The following ADGB variants were observed in gnomAD, a reference collection of about 807,000 sequenced individuals.
The protein encoded by ADGB is calpain-7-like protein.
A neutral mutation model predicts 210.5 loss-of-function variants in ADGB; 172 were observed. The observed-to-expected ratio is 0.82, with a 90% CI of 0.72 to 0.93. ADGB has a LOEUF of 0.93. ADGB is among the 40% of genes least tolerant of loss of function. The pLI is 0.00. For missense variants in ADGB, 2,025 were observed against 1,964.8 expected, an observed-to-expected ratio of 1.03 and a Z score of -0.58; for synonymous variants, 658 against 662.7, an observed-to-expected ratio of 0.99 and a Z score of 0.11.
At chr6:146,640,129 C>T (rs1775485363) in intron 2 of ADGB, among the ~76,000 whole-genome samples, 1 of 152,022 alleles carries the variant, frequency 6.6e-6, no homozygotes, top group Non-Finnish European at 1.5e-5. Flanking sequence ...CTACTACAAA[C>T]TCCTCTATGC....
intron 17 of ADGB, among the ~76,000 whole-genome samples, chr6:146,722,864 A>G (rs1776841840): frequency 6.6e-6 from 1 of 152,154 alleles, no homozygotes; most frequent in South Asian, 2.1e-4. Context: ...GCTCCTCTAC[A>G]AGGCCAAACC....
chr6:146,757,659 T>C (rs1777427236), intron 27 of ADGB, among the ~76,000 whole-genome samples: 1 of 151,896 alleles, frequency 6.6e-6, no homozygotes, highest in South Asian at 2.1e-4. Flanking sequence ...CCTTCTGTTC[T>C]GATCCTTAGA....
At position 146,801,198 on chromosome 6, in the gene ADGB, C is replaced by T. The variant is rs538312230; in HGVS notation, c.4553C>T (p.Thr1518Ile). Residue 1518 changes from threonine (T) to isoleucine (I), a missense_variant, in exon 34 of 36, where the codon ACA (threonine) becomes ATA (isoleucine). Physicochemically the swap from Thr to Ile is moderately conservative, Grantham distance 89 (BLOSUM62 -1). Coordinates refer to ENST00000397944, the MANE Select transcript of ADGB (RefSeq NM_024694.4). The stretch of plus-strand genomic sequence containing the variant: ...TTTTTTAAAGAAACAGGACCTCGTA[C>T]ACGATCTCCAACAATTTTGGAAACA... The part of the protein sequence containing the change: ...RKENIQTGPR[T>I]RSPTILETSP... 200 of 1,497,758 alleles carry T rather than the reference C, an allele frequency of 1.3e-4. No individual in the cohort carries two copies. The African/African-American group carries it at 2.4e-3, about 18-fold the overall frequency. The allele number at this position is 1,497,758 out of a possible 1,614,324, so 92.8% of individuals were successfully genotyped here.
At chr6:146,695,762 G>A (rs1029565899) in intron 12 of ADGB, among the ~76,000 whole-genome samples, 5 of 151,742 alleles carry the variant, frequency 3.3e-5, no homozygotes, top group African/African-American at 4.8e-5. Flanking sequence ...CATAATTGTA[G>A]CATTTTACTA....
chr6:146,609,266 C>T (rs1458067680), intron 1 of ADGB, among the ~76,000 whole-genome samples: 2 of 152,118 alleles, frequency 1.3e-5, no homozygotes, highest in Non-Finnish European at 2.9e-5. Context: ...GTTGTCATTG[C>T]ATGTGATATG....
At chr6:146,761,750 C>T (rs763780814) in intron 27 of ADGB, among the ~76,000 whole-genome samples, 3 of 152,020 alleles carry the variant, frequency 2.0e-5, no homozygotes, top group East Asian at 1.9e-4. Context: ...AGGACTGCTA[C>T]GGCAAACTAC....
At chr6:146,743,478 T>C (rs1208719615) in intron 25 of ADGB, among the ~76,000 whole-genome samples, 2 of 152,344 alleles carry the variant, frequency 1.3e-5, no homozygotes, top group Admixed American at 6.5e-5. Flanking sequence ...TTCTAAGTGA[T>C]ACATTTTGAG....
intron 8 of ADGB, among the ~76,000 whole-genome samples, chr6:146,674,410 A>G (rs1258791517): frequency 2.0e-5 from 3 of 152,016 alleles, no homozygotes; most frequent in Non-Finnish European, 4.4e-5. Context: ...CTGCAGTAGT[A>G]TATGTTTTCT....
At chr6:146,791,556 T>C (rs1777956471) in intron 33 of ADGB, among the ~76,000 whole-genome samples, 1 of 152,112 alleles carries the variant, frequency 6.6e-6, no homozygotes, top group East Asian at 1.9e-4. Flanking sequence ...TTGCCCAGGC[T>C]AGTCTCAAAT....
At chr6:146,623,689 T>C (rs1001019052) in intron 1 of ADGB, among the ~76,000 whole-genome samples, 1 of 151,974 alleles carries the variant, frequency 6.6e-6, no homozygotes, top group Non-Finnish European at 1.5e-5. Flanking sequence ...AAGCATTCAG[T>C]CTTACATCAC....
chr6:146,700,747 A>C (rs964098510), intron 12 of ADGB, among the ~76,000 whole-genome samples, 194 bp from the exon 13 acceptor site: 1 of 152,180 alleles, frequency 6.6e-6, no homozygotes, highest in African/African-American at 2.4e-5. Flanking sequence ...ACTAATATAC[A>C]GTATTTTTAG....
intron 35 of ADGB, among the ~76,000 whole-genome samples, chr6:146,810,670 G>A (rs935375575): frequency 6.6e-6 from 1 of 151,966 alleles, no homozygotes. Flanking sequence ...GAACATGTAG[G>A]GCATTATGCT....
chr6:146,725,138 C>A (rs1278633378), intron 18 of ADGB: 2 of 152,242 alleles, frequency 1.3e-5, no homozygotes, highest in Non-Finnish European at 2.9e-5. Flanking sequence ...CACATCTCCC[C>A]TTTATACTCC....
At chr6:146,780,607 A>G (rs2114642347) in intron 29 of ADGB, among the ~76,000 whole-genome samples, 1 of 152,306 alleles carries the variant, frequency 6.6e-6, no homozygotes, top group South Asian at 2.1e-4. Flanking sequence ...CAAAAAAAAG[A>G]TACTTTAAAA....
intron 27 of ADGB, among the ~76,000 whole-genome samples, chr6:146,760,442 T>C (rs1350298451): frequency 3.4e-5 from 3 of 88,834 alleles, no homozygotes; most frequent in Admixed American, 2.9e-4. Flanking sequence ...CTATTCTATT[T>C]CTATCTATGT....
chr6:146,602,908 G>T (rs1381821054), intron 1 of ADGB, among the ~76,000 whole-genome samples: 1 of 152,196 alleles, frequency 6.6e-6, no homozygotes, highest in Non-Finnish European at 1.5e-5. Flanking sequence ...TGGAAAAATT[G>T]TCTTCCACAA....
intron 26 of ADGB, among the ~76,000 whole-genome samples, chr6:146,750,510 T>C (rs1358673493): frequency 6.6e-6 from 1 of 152,124 alleles, no homozygotes; most frequent in East Asian, 1.9e-4. Context: ...TGAGTCATGA[T>C]TGCACCACTG....
At chr6:146,691,011 TC>T in intron 10 of ADGB, 104 bp from the exon 11 acceptor site, 4 of 849,200 alleles carry the variant, frequency 4.7e-6, no homozygotes, top group Non-Finnish European at 6.6e-6. Flanking sequence ...TGATTTTTTT[TC>T]TTACTACCAC....
intron 12 of ADGB, among the ~76,000 whole-genome samples, chr6:146,698,767 G>C (rs535230406): frequency 1.5e-4 from 23 of 151,936 alleles, no homozygotes; most frequent in African/African-American, 5.3e-4. Flanking sequence ...TTTGTTTTTT[G>C]AGATGGGGTC....
Sources: allele counts gnomAD v4.1 joint callset (sites outside exome capture counted in the v4.1 genomes callset), GRCh38; gene constraint gnomAD v4.1.1; transcripts MANE v1.5; gene names NCBI Gene and HGNC (gene_info 2026-07-23, HGNC 2026-07-21).